PRKG1: variants seen among roughly 807,000 people sequenced by gnomAD.
PRKG1 encodes cGMP-dependent protein kinase 1.
A neutral mutation model predicts 88.1 loss-of-function variants in PRKG1; 35 were observed. The ratio of observed to expected loss-of-function variants is 0.40; its 90% CI spans 0.30 to 0.53. The LOEUF (loss-of-function observed/expected upper bound fraction) is 0.53. Ranked by LOEUF, PRKG1 falls within the 20% of genes least tolerant of loss-of-function variation. The pLI, the probability that PRKG1 is intolerant of heterozygous loss-of-function variation, is 0.59. For missense variants in PRKG1, 540 were observed against 839.8 expected, an observed-to-expected ratio of 0.64 and a Z score of 4.41; for synonymous variants, 303 against 292.5, an observed-to-expected ratio of 1.04 and a Z score of -0.37.
intron 14 of PRKG1, among the ~76,000 whole-genome samples, chr10:52,286,794 C>T (rs10128309): frequency 0.13 from 19,931 of 151,540 alleles, 2,344 homozygotes; most frequent in African/African-American, 0.32. Flanking sequence ...GCACACATAT[C>T]TGAAATTTAG....
At chr10:51,345,827 G>A (rs1564455427) in intron 2 of PRKG1, among the ~76,000 whole-genome samples, 1 of 152,182 alleles carries the variant, frequency 6.6e-6, no homozygotes, top group Admixed American at 6.5e-5. Context: ...TTATGGTACG[G>A]TGTGACAAAG....
At chr10:51,911,486 T>G (rs573350432) in intron 5 of PRKG1, among the ~76,000 whole-genome samples, 1 of 152,360 alleles carries the variant, frequency 6.6e-6, no homozygotes, top group East Asian at 1.9e-4. Flanking sequence ...TCAGATTTTC[T>G]AATCAGAAGA....
intron 2 of PRKG1, among the ~76,000 whole-genome samples, chr10:51,205,098 T>C (rs2132061850): frequency 6.6e-6 from 1 of 151,042 alleles, no homozygotes; most frequent in South Asian, 2.1e-4. Context: ...CTTTCTTTGT[T>C]TCATAAGGAA....
In PRKG1 at chr10:51,344,890, T is replaced by C. The variant is rs148148909; in HGVS notation, c.479-122833T>C. ...TAGTGCAAATTGCATTTCACACTAA[T>C]TGGTCCACAAAATTCATGCACAATA... On this transcript the variant is annotated intron_variant, in intron 2 of 17. Coordinates refer to ENST00000373980, the MANE Select transcript of PRKG1 (RefSeq NM_006258.4). Among the ~76,000 whole-genome samples, 12 of 152,340 alleles carry C rather than the reference T, an allele frequency of 7.9e-5. No homozygotes were observed. In the East Asian group the frequency reaches 1.3e-3, roughly 17 times the overall value.
intron 3 of PRKG1, among the ~76,000 whole-genome samples, chr10:51,475,591 T>G (rs1198261563): frequency 6.6e-6 from 1 of 152,082 alleles, no homozygotes; most frequent in Non-Finnish European, 1.5e-5. Context: ...TATTTTTGTT[T>G]TGTTGCTGTT....
intron 7 of PRKG1, among the ~76,000 whole-genome samples, chr10:52,112,373 A>G (rs1384736898): frequency 1.3e-5 from 2 of 152,072 alleles, no homozygotes; most frequent in African/African-American, 4.8e-5. Context: ...TCTGTAGCAT[A>G]TACGTTAATA....
intron 5 of PRKG1, among the ~76,000 whole-genome samples, chr10:52,015,265 C>G (rs1272997503): frequency 6.6e-6 from 1 of 152,232 alleles, no homozygotes; most frequent in Non-Finnish European, 1.5e-5. Context: ...ACTTTTGTCT[C>G]CTGCCTACCC....
intron 8 of PRKG1, among the ~76,000 whole-genome samples, chr10:52,148,073 T>A (rs1015624153): frequency 1.3e-5 from 2 of 152,210 alleles, no homozygotes; most frequent in African/African-American, 4.8e-5. Flanking sequence ...GTGTACTATG[T>A]AAGAACTAAG....
At chr10:51,148,447 T>C (rs1845991146) in intron 1 of PRKG1, among the ~76,000 whole-genome samples, 1 of 152,208 alleles carries the variant, frequency 6.6e-6, no homozygotes, top group African/African-American at 2.4e-5. Context: ...GCTTTGACTA[T>C]GTCTTTTAAA....
intron 5 of PRKG1, among the ~76,000 whole-genome samples, chr10:51,959,263 A>G (rs1169444401): frequency 1.3e-5 from 2 of 152,178 alleles, no homozygotes; most frequent in Admixed American, 6.6e-5. Flanking sequence ...GTAATTAATC[A>G]TCATTTTACG....
chr10:51,254,638 G>A (rs1314292735), intron 2 of PRKG1, among the ~76,000 whole-genome samples: 1 of 151,954 alleles, frequency 6.6e-6, no homozygotes, highest in African/African-American at 2.4e-5. Flanking sequence ...ATACTTAATT[G>A]AGCTAAAGTA....
intron 3 of PRKG1, among the ~76,000 whole-genome samples, chr10:51,732,137 G>T (rs1193529122): frequency 6.6e-6 from 1 of 151,398 alleles, no homozygotes; most frequent in Non-Finnish European, 1.5e-5. Flanking sequence ...TTGGCTCTTT[G>T]CAACCTCCGC....
chr10:51,949,049 A>G (rs1313720239), intron 5 of PRKG1, among the ~76,000 whole-genome samples: 1 of 152,172 alleles, frequency 6.6e-6, no homozygotes, highest in Non-Finnish European at 1.5e-5. Flanking sequence ...TGTCTTCTGC[A>G]TGTCCAACAC....
chr10:52,233,854 G>T (rs1194529), intron 9 of PRKG1, among the ~76,000 whole-genome samples: 38,547 of 151,870 alleles, frequency 0.25, 5,273 homozygotes, highest in Non-Finnish European at 0.3. Flanking sequence ...CTCCACCTCT[G>T]GGGGCAGGGC....
chr10:51,461,835 G>T (rs1460997236), intron 2 of PRKG1, among the ~76,000 whole-genome samples: 1 of 152,178 alleles, frequency 6.6e-6, no homozygotes, highest in East Asian at 1.9e-4. Context: ...GGAATTGGAT[G>T]GCTTTTCCCC....
intron 9 of PRKG1, among the ~76,000 whole-genome samples, chr10:52,175,718 G>A (rs1322689545): frequency 6.6e-6 from 1 of 151,950 alleles, no homozygotes; most frequent in African/African-American, 2.4e-5. Context: ...CCTCATTGTG[G>A]TTTTGATTTG....
chr10:51,170,200 T>G (rs1478338817), intron 2 of PRKG1, among the ~76,000 whole-genome samples: 2 of 152,088 alleles, frequency 1.3e-5, no homozygotes, highest in African/African-American at 2.4e-5. Context: ...TAAAAATCGT[T>G]CCAGACAGAA....
intron 2 of PRKG1, among the ~76,000 whole-genome samples, chr10:51,317,519 A>T (rs890550443): frequency 6.6e-6 from 1 of 152,240 alleles, no homozygotes; most frequent in African/African-American, 2.4e-5. Flanking sequence ...AATACACATA[A>T]TGAATCCTAA....
intron 2 of PRKG1, among the ~76,000 whole-genome samples, chr10:51,441,800 T>C (rs1017663789): frequency 6.6e-6 from 1 of 152,028 alleles, no homozygotes; most frequent in Non-Finnish European, 1.5e-5. Context: ...GGAATTGTTC[T>C]CCTGAGTCAT....
Sources: allele counts gnomAD v4.1 joint callset (sites outside exome capture counted in the v4.1 genomes callset), GRCh38; gene constraint gnomAD v4.1.1; transcripts MANE v1.5; gene names NCBI Gene and HGNC (gene_info 2026-07-23, HGNC 2026-07-21).